The following EYS variants were observed in gnomAD, a reference collection of about 807,000 sequenced individuals.
EYS encodes the protein protein eyes shut homolog.
A neutral mutation model predicts 282.1 loss-of-function variants in EYS; 250 were observed. That is an observed-to-expected ratio of 0.89 (90% CI 0.80 to 0.98). The LOEUF is 0.98. Among genes scored for constraint, EYS ranks in the 50% least tolerant of loss-of-function variants. The probability of loss-of-function intolerance (pLI) is 0.00; values close to 1 mark genes in which losing one functional copy is unlikely to be tolerated. For missense variants in EYS, 4,016 were observed against 3,709.0 expected, an observed-to-expected ratio of 1.08 and a Z score of -2.15; for synonymous variants, 1,355 against 1,282.9, an observed-to-expected ratio of 1.06 and a Z score of -1.20.
intron 29 of EYS, among the ~76,000 whole-genome samples, chr6:64,344,633 T>C (rs1771294854): frequency 6.6e-6 from 1 of 152,130 alleles, no homozygotes; most frequent in African/African-American, 2.4e-5. Context: ...TTTTGAAAAC[T>C]GGCACAAGAC....
At chr6:65,404,922 TG>T (rs1184986034) in intron 6 of EYS, among the ~76,000 whole-genome samples, 4 of 151,752 alleles carry the variant, frequency 2.6e-5, no homozygotes, top group Non-Finnish European at 5.9e-5. Flanking sequence ...AACTAAAAGA[TG>T]AAAAAAAGCA....
At chr6:64,857,826 T>C (rs569117181) in intron 19 of EYS, among the ~76,000 whole-genome samples, 4 of 152,296 alleles carry the variant, frequency 2.6e-5, no homozygotes, top group Admixed American at 1.3e-4. Flanking sequence ...GAATTAATTG[T>C]GGTTTTAATT....
intron 14 of EYS, among the ~76,000 whole-genome samples, chr6:64,956,725 A>G (rs1391739997): frequency 6.6e-6 from 1 of 152,226 alleles, no homozygotes; most frequent in Non-Finnish European, 1.5e-5. Flanking sequence ...AGGATCTCAA[A>G]CAATTTTATA....
At chr6:64,320,788 C>A (rs1355704532) in intron 29 of EYS, among the ~76,000 whole-genome samples, 1 of 151,520 alleles carries the variant, frequency 6.6e-6, no homozygotes, top group Non-Finnish European at 1.5e-5. Context: ...ATTTTGTATT[C>A]TTCCAGATTT....
chr6:64,746,193 C>T lies in EYS; in HGVS notation c.3443+67185G>A, dbSNP rs533565324. ...AAAACTCGTGTTGAAATTTAATTGCCCTTGTAACAATATTAAGAGGTGGGA... is the reference window on the plus strand; with the variant it reads ...AAAACTCGTGTTGAAATTTAATTGCTCTTGTAACAATATTAAGAGGTGGGA... On this transcript the variant is annotated intron_variant, in intron 22 of 42. Transcript: ENST00000503581. 3.3e-5 allele frequency among the ~76,000 whole-genome samples: 5 copies of T among 151,626 alleles called. No homozygotes were observed. In the East Asian group the frequency reaches 9.9e-4, roughly 30 times the overall value.
intron 1 of EYS, among the ~76,000 whole-genome samples, chr6:65,651,037 G>A (rs1767632634): frequency 6.6e-6 from 1 of 151,988 alleles, no homozygotes; most frequent in African/African-American, 2.4e-5. Context: ...CAAGGTAGCA[G>A]TTTTCAACAA....
intron 24 of EYS, among the ~76,000 whole-genome samples, chr6:64,614,943 G>A (rs1767224798): frequency 2.0e-5 from 3 of 152,242 alleles, no homozygotes; most frequent in Middle Eastern, 3.4e-3. Flanking sequence ...ATACTGCAAC[G>A]TCCAGTGTTG....
intron 31 of EYS, among the ~76,000 whole-genome samples, chr6:64,224,912 C>T (rs1582450862): frequency 6.6e-6 from 1 of 151,890 alleles, no homozygotes; most frequent in South Asian, 2.1e-4. Context: ...GTTACTATTT[C>T]ACAAGCCCAA....
chr6:64,477,359 C>T (rs1011710326), intron 26 of EYS, among the ~76,000 whole-genome samples: 5 of 152,188 alleles, frequency 3.3e-5, no homozygotes, highest in African/African-American at 1.2e-4. Flanking sequence ...TCCCCATCAC[C>T]TTGTAGTGTT....
At chr6:64,139,356 A>T (rs1368598833) in intron 31 of EYS, among the ~76,000 whole-genome samples, 1 of 152,160 alleles carries the variant, frequency 6.6e-6, no homozygotes, top group African/African-American at 2.4e-5. Context: ...GTAGTCAAAG[A>T]AGACATACAT....
At chr6:65,113,800 G>A (rs1176755479) in intron 12 of EYS, among the ~76,000 whole-genome samples, 2 of 152,036 alleles carry the variant, frequency 1.3e-5, no homozygotes, top group East Asian at 3.9e-4. Flanking sequence ...CTGGAAGTGA[G>A]TAGCACCCAC....
At chr6:64,551,238 C>T (rs952868972) in intron 26 of EYS, among the ~76,000 whole-genome samples, 1 of 148,258 alleles carries the variant, frequency 6.7e-6, no homozygotes, top group Non-Finnish European at 1.5e-5. Flanking sequence ...GCAGTAACTT[C>T]CTAATAAGTT....
chr6:65,591,406 A>G (rs1302695276), intron 2 of EYS, among the ~76,000 whole-genome samples: 2 of 151,806 alleles, frequency 1.3e-5, no homozygotes, highest in African/African-American at 4.8e-5. Context: ...GTTTCTCATA[A>G]TGCCTTTCCA....
rs150311738 is a variant in EYS at position 65,348,014 on chromosome 6, A to C, written c.1460-3837T>G. 5.4e-4 allele frequency among the ~76,000 whole-genome samples: 82 copies of C among 151,754 alleles called. 1 individual carries two copies. Among genetic ancestry groups the C allele is most frequent in the Non-Finnish European group, 1.0e-4 (7 of 67,760 alleles). On this transcript the variant is annotated intron_variant, in intron 9 of 42. Coordinates refer to ENST00000503581, the MANE Select transcript of EYS (RefSeq NM_001142800.2). ...CTGCGCCTGGCTTATTTCACTTAAC[A>C]TAATGACCTCTATCTAGTTCCATCC...
intron 15 of EYS, among the ~76,000 whole-genome samples, chr6:64,928,506 G>T (rs1768589673): frequency 6.6e-6 from 1 of 151,976 alleles, no homozygotes; most frequent in East Asian, 1.9e-4. Flanking sequence ...GTAACTAATG[G>T]CTTTCAATTC....
In EYS at chr6:65,699,845, T is replaced by G. The variant is rs573285881; in HGVS notation, c.-448+7290A>C. On this transcript the variant is annotated intron_variant, in intron 1 of 42. Coordinates refer to ENST00000503581, the MANE Select transcript of EYS (RefSeq NM_001142800.2). ...CTATATTAAAACAGGCCGGGCGCGG[T>G]GGCTCACGCCTGTAATCCCAGCACT... 5.3e-5 allele frequency among the ~76,000 whole-genome samples: 8 copies of G among 152,138 alleles called. No individual in the cohort carries two copies. The East Asian group carries it at 1.4e-3, about 26-fold the overall frequency.
chr6:64,465,721 G>T (rs776412092), intron 26 of EYS, among the ~76,000 whole-genome samples: 2 of 136,886 alleles, frequency 1.5e-5, no homozygotes, highest in Non-Finnish European at 3.1e-5. Flanking sequence ...CAAAAGCATA[G>T]GCCAAAAAAG....
intron 30 of EYS, among the ~76,000 whole-genome samples, chr6:64,302,336 C>A (rs181049501): frequency 2.3e-4 from 35 of 152,286 alleles, no homozygotes; most frequent in East Asian, 1.4e-3. Flanking sequence ...CAGGTGTTAA[C>A]CCTAGAGGGT....
chr6:63,783,918 T>C lies in EYS; in HGVS notation c.7723+4187A>G, dbSNP rs759667787. 3.3e-5 allele frequency among the ~76,000 whole-genome samples: 5 copies of C among 152,110 alleles called. No homozygotes were observed. The South Asian group carries it at 8.3e-4, about 25-fold the overall frequency. On this transcript the variant is annotated intron_variant, in intron 39 of 42. Coordinates refer to ENST00000503581, the MANE Select transcript of EYS (RefSeq NM_001142800.2). The stretch of plus-strand genomic sequence containing the variant: ...TGTTAGGATGAGATTAACACTTGAA[T>C]TGATAAACTGGGTAAAGCAGATTGC...
Sources: allele counts gnomAD v4.1 joint callset (sites outside exome capture counted in the v4.1 genomes callset), GRCh38; gene constraint gnomAD v4.1.1; transcripts MANE v1.5; gene names NCBI Gene and HGNC (gene_info 2026-07-23, HGNC 2026-07-21).